The following STK35 variants were observed in gnomAD, a reference collection of about 807,000 sequenced individuals.
The protein encoded by STK35 is serine/threonine-protein kinase 35.
A neutral mutation model predicts 37.3 loss-of-function variants in STK35; 17 were observed. The observed-to-expected ratio is 0.46, with a 90% CI of 0.31 to 0.68. The LOEUF (loss-of-function observed/expected upper bound fraction) is 0.68. Ranked by LOEUF, STK35 falls within the 30% of genes least tolerant of loss-of-function variation. The pLI is 0.05. For synonymous variants in STK35, 385 were observed against 319.1 expected, an observed-to-expected ratio of 1.21 and a Z score of -2.20; for missense variants, 595 against 746.7, an observed-to-expected ratio of 0.80 and a Z score of 2.37.
intron 3 of STK35, among the ~76,000 whole-genome samples, chr20:2,124,751 C>T (rs369534247): frequency 6.6e-6 from 1 of 152,132 alleles, no homozygotes; most frequent in Non-Finnish European, 1.5e-5. Context: ...TGTGAAGACC[C>T]TAGTGGCGCT....
chr20:2,114,713 T>C (rs1188683874), intron 2 of STK35, among the ~76,000 whole-genome samples: 2 of 152,262 alleles, frequency 1.3e-5, no homozygotes, highest in African/African-American at 4.8e-5. Context: ...TCTCATAACC[T>C]GGACTTAGAT....
In STK35 at chr20:2,113,643, A is replaced by G. The variant is rs1398405815; in HGVS notation, c.893-3023A>G. ...AATTTCATCTTTTGCCTAACATGTA[A>G]AAACTTACTCTTACGGCCTACAGCA... On this transcript the variant is annotated intron_variant, in intron 2 of 3. Transcript: ENST00000381482. 2.0e-5 allele frequency among the ~76,000 whole-genome samples: 3 copies of G among 152,172 alleles called. No individual in the cohort carries two copies. The East Asian group carries it at 5.8e-4, about 29-fold the overall frequency.
chr20:2,138,837 C>T (rs1300109280), intron 3 of STK35, among the ~76,000 whole-genome samples: 2 of 152,046 alleles, frequency 1.3e-5, no homozygotes, highest in Non-Finnish European at 2.9e-5. Flanking sequence ...CAGCCTGGGC[C>T]ACATAATGAG....
intron 3 of STK35, among the ~76,000 whole-genome samples, chr20:2,130,047 A>C (rs921541917): frequency 2.6e-5 from 4 of 152,122 alleles, no homozygotes; most frequent in East Asian, 3.9e-4. Flanking sequence ...GGTAGGAAGG[A>C]GTGGCTCAGA....
At chr20:2,140,949 C>A (rs1986162484) in intron 3 of STK35, among the ~76,000 whole-genome samples, 2 of 152,200 alleles carry the variant, frequency 1.3e-5, no homozygotes, top group Admixed American at 1.3e-4. Flanking sequence ...ATGCTACCTT[C>A]CTGCTGATGG....
At chr20:2,114,074 A>G (rs1215423576) in intron 2 of STK35, among the ~76,000 whole-genome samples, 4 of 152,088 alleles carry the variant, frequency 2.6e-5, no homozygotes, top group Admixed American at 2.6e-4. Flanking sequence ...GCCTGGCATC[A>G]TCCACGTCGC....
rs377115718 is a variant in STK35 at position 2,117,993 on chromosome 20, A to G, written c.*37+578A>G. Among the ~76,000 whole-genome samples, 2 of 152,184 alleles carry G rather than the reference A, an allele frequency of 1.3e-5. No individual in the cohort carries two copies. Among genetic ancestry groups the G allele is most frequent in the African/African-American group, 2.4e-5 (1 of 41,434 alleles). On this transcript the variant is annotated intron_variant, in intron 3 of 3. Coordinates refer to ENST00000381482, the MANE Select transcript of STK35 (RefSeq NM_080836.4). The surrounding 1 kb of genome is among the most constrained non-coding windows in gnomAD (Gnocchi z 4.4). ...CCTTTTTTTAGAAACGCTCTTTCTC[A>G]TCATTATAAATGCTCACTGTAGAAA...
At position 2,101,986 on chromosome 20, in the gene STK35, C is replaced by G; in HGVS notation, c.105C>G (p.His35Gln). 1 of 1,526,076 alleles carries G rather than the reference C, an allele frequency of 6.6e-7. No homozygotes were observed. The highest frequency in any genetic ancestry group is 8.8e-7 in the Non-Finnish European group (1 of 1,140,872). 94.5% of individuals were successfully genotyped at this position (1,526,076 alleles called of 1,614,324 possible). A position where few individuals can be genotyped will look rare whatever the true frequency, so the allele number is the denominator to read the frequency against. ...GCTGGCGCGAACACGTGGAAAGCCA[C>G]GGGAGCCTAGGAGCCCAGGCTTCCC... ...GLSWREHVESHGSLGAQASPA... is the reference protein window; with the variant it reads ...GLSWREHVESQGSLGAQASPA... The change falls in exon 1 of 4, where the codon CAC (histidine) becomes CAG (glutamine). Residue 35 changes from histidine (H) to glutamine (Q), a missense_variant. This residue lies in a region of STK35 where 389 missense variants were observed against 320.0 expected (regional missense o/e 1.22). Coordinates refer to ENST00000381482, the MANE Select transcript of STK35 (RefSeq NM_080836.4).
intron 2 of STK35, among the ~76,000 whole-genome samples, chr20:2,105,573 A>C (rs1196738989): frequency 6.6e-6 from 1 of 152,128 alleles, no homozygotes; most frequent in African/African-American, 2.4e-5. Context: ...ACATGGAGCA[A>C]ATTGTTTGAA....
At chr20:2,126,041 A>G (rs545627380) in intron 3 of STK35, among the ~76,000 whole-genome samples, 75 of 152,328 alleles carry the variant, frequency 4.9e-4, no homozygotes, top group African/African-American at 1.7e-3. Context: ...GGGATTTTAA[A>G]GTTGATGAGG....
rs116139515 is a variant in STK35 at position 2,125,418 on chromosome 20, A to G, written c.*37+8003A>G. On this transcript the variant is annotated intron_variant, in intron 3 of 3. Coordinates refer to ENST00000381482, the MANE Select transcript of STK35 (RefSeq NM_080836.4). ...TGTGCCCTCTTTTCTGCAGATAAGGAAGCAGAAAATCACTTTCCTAAGGTT... is the reference window on the plus strand; with the variant it reads ...TGTGCCCTCTTTTCTGCAGATAAGGGAGCAGAAAATCACTTTCCTAAGGTT... Among the ~76,000 whole-genome samples the G allele has an allele frequency of 8.2e-3, 1,255 of 152,310 alleles. 19 individuals are homozygous for G. The highest frequency in any genetic ancestry group is 0.028 in the African/African-American group (1,171 of 41,556).
chr20:2,107,189 G>C (rs1056192851), intron 2 of STK35, among the ~76,000 whole-genome samples: 1 of 152,224 alleles, frequency 6.6e-6, no homozygotes, highest in Non-Finnish European at 1.5e-5. Flanking sequence ...GCAAGCCTGA[G>C]TCACTGTCAG....
At chr20:2,131,260 G>A (rs530693909) in intron 3 of STK35, among the ~76,000 whole-genome samples, 1 of 152,238 alleles carries the variant, frequency 6.6e-6, no homozygotes, top group African/African-American at 2.4e-5. Flanking sequence ...GTAACACAAT[G>A]GTGTTTGTGT....
At chr20:2,108,434 C>T (rs1174545740) in intron 2 of STK35, among the ~76,000 whole-genome samples, 2 of 152,082 alleles carry the variant, frequency 1.3e-5, no homozygotes, top group South Asian at 2.1e-4. Context: ...CACTTGAACC[C>T]GGGAGGCAGA....
Position 2,103,141 on chromosome 20 carries a change from G to A in STK35, c.668G>A (p.Arg223His). The change falls in exon 2 of 4, where the codon CGC becomes CAC. Residue 223 changes from arginine (R) to histidine (H), a missense_variant. Physicochemically the swap from Arg to His is conservative, Grantham distance 29. This residue lies in a region of STK35 where 97 missense variants were observed against 146.4 expected (regional missense o/e 0.66). Transcript: ENST00000381482. ...GTGGTTTATGAGGCAGTGGCCGGGC[G>A]CAGCGGGGCCCGGGTGGCGGTCAAG... is the stretch of plus-strand genomic sequence containing the variant. The part of the protein sequence containing the change: ...YGVVYEAVAG[R>H]SGARVAVKKI... The A allele has an allele frequency of 6.2e-7, 1 of 1,604,970 alleles. No individual in the cohort carries two copies. The highest frequency in any genetic ancestry group is 8.5e-7 in the Non-Finnish European group (1 of 1,179,136).
At chr20:2,127,453 T>C (rs1029122949) in intron 3 of STK35, among the ~76,000 whole-genome samples, 1 of 152,188 alleles carries the variant, frequency 6.6e-6, no homozygotes, top group African/African-American at 2.4e-5. Context: ...AAGACTCTGT[T>C]GTTAGTAACC....
chr20:2,102,478 T>A (rs1985413471), intron 1 of STK35, among the ~76,000 whole-genome samples: 2 of 152,170 alleles, frequency 1.3e-5, no homozygotes, highest in Non-Finnish European at 2.9e-5. Flanking sequence ...CTCTAAGCGG[T>A]TTTCAGAAGG....
At chr20:2,140,164 A>ATCTGTAGT (rs1568582994) in intron 3 of STK35, among the ~76,000 whole-genome samples, 1 of 152,194 alleles carries the variant, frequency 6.6e-6, no homozygotes, top group Non-Finnish European at 1.5e-5. Context: ...TGTCAGTTGC[A>ATCTGTAGT]GGTTTATCAC....
Position 2,101,894 on chromosome 20 carries a change from G to GA in STK35, c.14dup (p.Ser6ValfsTer19). ...GGCGTCCCGGGGGATGGGCCACCAG[G>GA]AGTCTCCGCTGGCCCGGGCGCCGGC... On this transcript the variant is annotated frameshift_variant, in exon 1 of 4. Coordinates refer to ENST00000381482, the MANE Select transcript of STK35 (RefSeq NM_080836.4). LOFTEE classifies it high-confidence loss of function. 1 of 1,445,584 alleles carries GA rather than the reference G, an allele frequency of 6.9e-7. No homozygotes were observed. The allele number at this position is 1,445,584 out of a possible 1,614,324, so 89.5% of individuals were successfully genotyped here. A position where few individuals can be genotyped will look rare whatever the true frequency, so the allele number is the denominator to read the frequency against.
Sources: allele counts gnomAD v4.1 joint callset (sites outside exome capture counted in the v4.1 genomes callset), GRCh38; gene constraint gnomAD v4.1.1; regional missense constraint gnomAD v4.1.1; non-coding constraint Gnocchi (gnomAD v3.1); transcripts MANE v1.5; gene names NCBI Gene and HGNC (gene_info 2026-07-23, HGNC 2026-07-21).